The following GSE1 variants were observed in gnomAD, a reference collection of about 807,000 sequenced individuals.
GSE1 encodes Gse1 coiled-coil protein, also known as genetic suppressor element 1.
Under a neutral mutation model 112.6 loss-of-function variants are expected in GSE1, and 32 were observed. The ratio of observed to expected loss-of-function variants is 0.28; its 90% CI spans 0.21 to 0.38. The LOEUF (loss-of-function observed/expected upper bound fraction) is 0.38, where lower values mean the gene tolerates loss of function less well. Among genes scored for constraint, GSE1 ranks in the 10% least tolerant of loss-of-function variants. The probability of loss-of-function intolerance (pLI) is 1.00; values close to 1 mark genes in which losing one functional copy is unlikely to be tolerated. For missense variants in GSE1, 2,348 were observed against 1,699.2 expected (o/e 1.38, Z -6.71); for synonymous variants, 1,115 against 735.6 (o/e 1.52, Z -8.35).
intron 1 of GSE1, among the ~76,000 whole-genome samples, chr16:85,562,335 C>G (rs1016447846): frequency 6.6e-6 from 1 of 152,196 alleles, no homozygotes; most frequent in Admixed American, 6.5e-5. Context: ...CAGCCCTTTT[C>G]CGAGGGGCCT....
chr16:85,280,646 T>A (rs1260585533), intron 1 of GSE1, among the ~76,000 whole-genome samples: 1 of 152,170 alleles, frequency 6.6e-6, no homozygotes, highest in African/African-American at 2.4e-5. Flanking sequence ...TCCGCCCACC[T>A]CAGCCTCCCA....
chr16:85,267,764 C>A (rs1016107765), intron 1 of GSE1, among the ~76,000 whole-genome samples: 2 of 152,192 alleles, frequency 1.3e-5, no homozygotes, highest in South Asian at 2.1e-4. Flanking sequence ...TGCAGGCAAA[C>A]CCTCCTCAAA....
intron 14 of GSE1, among the ~76,000 whole-genome samples, chr16:85,670,315 T>C (rs2053226692): frequency 6.6e-6 from 1 of 152,232 alleles, no homozygotes; most frequent in African/African-American, 2.4e-5. Context: ...GGCCCTTGTC[T>C]GTGAAACTTT....
In GSE1 at chr16:85,458,330, A is replaced by G. The variant is rs140971722; in HGVS notation, c.2464+100687A>G. Among the ~76,000 whole-genome samples, 808 of 152,358 alleles carry G rather than the reference A, an allele frequency of 5.3e-3. 9 individuals are homozygous for G. The highest frequency in any genetic ancestry group is 0.05 in the Admixed American group (766 of 15,300). On this transcript the variant is annotated intron_variant, in intron 2 of 2. Transcript: ENST00000637419. ...CAGCTGAGGTAGAAGCTTCAAGGCCACAGGTAAATGAGGCCCTGCTTGGAG... is the reference window on the plus strand; with the variant it reads ...CAGCTGAGGTAGAAGCTTCAAGGCCGCAGGTAAATGAGGCCCTGCTTGGAG...
intron 1 of GSE1, among the ~76,000 whole-genome samples, chr16:85,297,095 G>C (rs1243226908): frequency 6.6e-6 from 1 of 152,224 alleles, no homozygotes; most frequent in Non-Finnish European, 1.5e-5. Context: ...AGGTTGGGGG[G>C]TGCAGTGATG....
intron 1 of GSE1, among the ~76,000 whole-genome samples, chr16:85,323,149 G>A (rs2046150461): frequency 6.6e-6 from 1 of 152,188 alleles, no homozygotes; most frequent in South Asian, 2.1e-4. Context: ...GGCAAGACGT[G>A]AGAGGCAATT....
At chr16:85,648,044 C>G (rs1023011962) in intron 2 of GSE1, among the ~76,000 whole-genome samples, 1 of 151,818 alleles carries the variant, frequency 6.6e-6, no homozygotes, top group Non-Finnish European at 1.5e-5. Context: ...GCTGCTTACA[C>G]GTGGAGCTGC....
At chr16:85,487,162 A>T (rs1021312639) in intron 2 of GSE1, among the ~76,000 whole-genome samples, 11 of 152,152 alleles carry the variant, frequency 7.2e-5, no homozygotes, top group South Asian at 2.1e-4. Flanking sequence ...AGCAGAAGAG[A>T]TTGTCCTGCT....
intron 2 of GSE1, among the ~76,000 whole-genome samples, chr16:85,430,399 T>C (rs2049092012): frequency 6.6e-6 from 1 of 151,576 alleles, no homozygotes; most frequent in Non-Finnish European, 1.5e-5. Flanking sequence ...CACAGAGAGG[T>C]TCAGCAACTT....
intron 2 of GSE1, among the ~76,000 whole-genome samples, chr16:85,475,913 C>A (rs112045076): frequency 6.6e-6 from 1 of 151,854 alleles, no homozygotes; most frequent in African/African-American, 2.4e-5. Context: ...TGTGAGCCAT[C>A]GCAGCGGCCA....
intron 1 of GSE1, among the ~76,000 whole-genome samples, chr16:85,630,214 C>T (rs1022556564): frequency 6.6e-6 from 1 of 152,216 alleles, no homozygotes; most frequent in Non-Finnish European, 1.5e-5. Flanking sequence ...AGGAGGTGAT[C>T]TTACCTTGGC....
intron 3 of GSE1, among the ~76,000 whole-genome samples, chr16:85,650,852 G>A (rs746164695): frequency 2.5e-4 from 38 of 151,914 alleles, no homozygotes; most frequent in South Asian, 8.3e-4. Context: ...GTGGGTGGCA[G>A]TTGCCGGGCC....
chr16:85,340,505 G>T (rs750453016), intron 1 of GSE1, among the ~76,000 whole-genome samples: 2 of 152,130 alleles, frequency 1.3e-5, no homozygotes, highest in Non-Finnish European at 2.9e-5. Flanking sequence ...GCTGGGTGTG[G>T]TAGTGCACAC....
intron 1 of GSE1, chr16:85,284,901 A>C (rs1225558496): frequency 6.6e-6 from 1 of 152,222 alleles, no homozygotes; most frequent in East Asian, 1.9e-4. Context: ...GTCTGTAATC[A>C]CAGACCAGAA....
At chr16:85,543,924 G>A (rs923563008) in intron 2 of GSE1, among the ~76,000 whole-genome samples, 2 of 152,148 alleles carry the variant, frequency 1.3e-5, no homozygotes, top group African/African-American at 4.8e-5. Context: ...TGCAACCTCT[G>A]CCACCCAAGC....
chr16:85,377,651 C>T (rs1339914485), intron 2 of GSE1, among the ~76,000 whole-genome samples: 1 of 152,240 alleles, frequency 6.6e-6, no homozygotes, highest in Non-Finnish European at 1.5e-5. Flanking sequence ...GCCACTGCTT[C>T]CTGCTTTCCT....
intron 1 of GSE1, among the ~76,000 whole-genome samples, chr16:85,245,841 T>C (rs943163622): frequency 1.3e-5 from 2 of 151,938 alleles, no homozygotes; most frequent in Admixed American, 6.6e-5. Flanking sequence ...CCCTGAACTT[T>C]CCTGGTCCTC....
At chr16:85,483,593 G>T (rs2050748329) in intron 2 of GSE1, among the ~76,000 whole-genome samples, 1 of 152,254 alleles carries the variant, frequency 6.6e-6, no homozygotes, top group African/African-American at 2.4e-5. Flanking sequence ...CACTGTCTCC[G>T]CCCTCTTGGT....
intron 2 of GSE1, among the ~76,000 whole-genome samples, chr16:85,411,239 A>AG (rs767485097): frequency 1.5e-4 from 1 of 6,804 alleles, no homozygotes. Context: ...TGTTACACTC[A>AG]GGCACACCGG....
Sources: gnomAD v4.1 joint callset for allele counts (sites outside exome capture counted in the v4.1 genomes callset) on GRCh38, gnomAD v4.1.1 for gene constraint, MANE v1.5 for transcripts, NCBI Gene and HGNC (gene_info 2026-07-23, HGNC 2026-07-21) for gene names.